The following HPSE2 variants were observed in gnomAD, a reference collection of about 807,000 sequenced individuals.
HPSE2 encodes the protein heparanase 2 (inactive).
A neutral mutation model predicts 60.5 loss-of-function variants in HPSE2; 38 were observed. The observed-to-expected ratio is 0.63, with a 90% CI of 0.48 to 0.82. The LOEUF (loss-of-function observed/expected upper bound fraction) is 0.82, where lower values mean the gene tolerates loss of function less well. Ranked by LOEUF, HPSE2 falls within the 40% of genes least tolerant of loss-of-function variation. The pLI is 0.00. For missense variants in HPSE2, 713 were observed against 740.4 expected (o/e 0.96, Z 0.43); for synonymous variants, 295 against 293.2 (o/e 1.01, Z -0.06).
the HPSE2 span, among the ~76,000 whole-genome samples, chr10:99,251,728 G>A: frequency 6.6e-6 from 1 of 151,800 alleles, no homozygotes; most frequent in Admixed American, 6.6e-5. Context: ...CACACAAGCA[G>A]AATTAAAAAC....
intron 3 of HPSE2, among the ~76,000 whole-genome samples, chr10:98,802,891 G>A (rs1317955090): frequency 2.4e-4 from 34 of 139,912 alleles, no homozygotes; most frequent in Middle Eastern, 3.4e-3. Flanking sequence ...CTGAGGAATC[G>A]CCACACTGAC....
At chr10:99,041,275 A>G (rs1014802906) in intron 3 of HPSE2, among the ~76,000 whole-genome samples, 5 of 152,002 alleles carry the variant, frequency 3.3e-5, no homozygotes, top group Admixed American at 6.6e-5. Context: ...AGGAGGCCAC[A>G]TTGAGATTCA....
At chr10:99,233,237 G>A (rs1026096750) in intron 1 of HPSE2, among the ~76,000 whole-genome samples, 2 of 151,940 alleles carry the variant, frequency 1.3e-5, no homozygotes, top group African/African-American at 4.8e-5. Context: ...ACACAGTAAA[G>A]GCAAAGTCTC....
At chr10:99,258,105 C>A in the HPSE2 span, among the ~76,000 whole-genome samples, 1 of 151,588 alleles carries the variant, frequency 6.6e-6, no homozygotes, top group African/African-American at 2.4e-5. Flanking sequence ...CATGCCACTG[C>A]ACTCCAGCCT....
intron 8 of HPSE2, among the ~76,000 whole-genome samples, chr10:98,620,059 G>A (rs939653301): frequency 6.6e-6 from 1 of 152,160 alleles, no homozygotes; most frequent in African/African-American, 2.4e-5. Flanking sequence ...TCACTAAATT[G>A]TTATAAAAGC....
At chr10:99,079,392 A>G (rs568112678) in intron 3 of HPSE2, among the ~76,000 whole-genome samples, 19 of 152,170 alleles carry the variant, frequency 1.2e-4, no homozygotes, top group Non-Finnish European at 1.6e-4. Context: ...AGAGTATGCC[A>G]GGTCCCATCA....
intron 9 of HPSE2, among the ~76,000 whole-genome samples, chr10:98,590,433 G>A (rs1052314151): frequency 1.3e-5 from 2 of 152,160 alleles, no homozygotes; most frequent in African/African-American, 4.8e-5. Flanking sequence ...GGAATCTCTG[G>A]TTATGCTTCT....
intron 3 of HPSE2, among the ~76,000 whole-genome samples, chr10:99,127,652 A>T (rs1845214343): frequency 6.6e-6 from 1 of 152,228 alleles, no homozygotes; most frequent in South Asian, 2.1e-4. Context: ...AGAACATCTG[A>T]GGAATTCATT....
rs1955376974 is a variant in HPSE2, at chr10:98,952,196, TG to T, written c.610+192041del. 2.0e-5 allele frequency among the ~76,000 whole-genome samples: 3 copies of T among 152,146 alleles called. No individual in the cohort carries two copies. In the South Asian group the frequency reaches 6.2e-4, roughly 31 times the overall value. ...CCAGAGGTAAACTCCTTTTCACAAG[TG>T]AGGTGCTAAGCAGGTCACCTGTTTT... On this transcript the variant is annotated intron_variant, in intron 3 of 11. Coordinates refer to ENST00000370552, the MANE Select transcript of HPSE2 (RefSeq NM_021828.5).
intron 3 of HPSE2, among the ~76,000 whole-genome samples, chr10:98,956,324 G>A (rs1338129706): frequency 6.6e-6 from 1 of 152,010 alleles, no homozygotes; most frequent in Non-Finnish European, 1.5e-5. Flanking sequence ...AGAGAATAAT[G>A]GTATGATAGA....
intron 3 of HPSE2, among the ~76,000 whole-genome samples, chr10:98,900,233 A>T (rs1247132419): frequency 6.6e-6 from 1 of 152,218 alleles, no homozygotes; most frequent in African/African-American, 2.4e-5. Context: ...TAGCCATACA[A>T]TGGAACACCA....
rs1204523041 is a variant in HPSE2 at position 98,745,201 on chromosome 10, CAAAT to C, written c.611-1149_611-1146del. Among the ~76,000 whole-genome samples the C allele has an allele frequency of 2.6e-5, 4 of 152,028 alleles. 1 individual carries two copies. Among genetic ancestry groups the C allele is most frequent in the Non-Finnish European group, 5.9e-5 (4 of 68,014 alleles). On this transcript the variant is annotated intron_variant, in intron 3 of 11. Transcript: ENST00000370552. ...TGGGTGACAGAGTGAGGCTCCGTCTCAAATAAATAAATAAAATAAAAAAAAGAAA... is the reference window on the plus strand; with the variant it reads ...TGGGTGACAGAGTGAGGCTCCGTCTCAAATAAATAAAATAAAAAAAAGAAA...
At chr10:99,006,003 T>C (rs1311844974) in intron 3 of HPSE2, among the ~76,000 whole-genome samples, 2 of 152,076 alleles carry the variant, frequency 1.3e-5, no homozygotes, top group Non-Finnish European at 2.9e-5. Flanking sequence ...AGTGGACCTG[T>C]TGATTGGTTC....
intron 5 of HPSE2, among the ~76,000 whole-genome samples, chr10:98,705,436 A>G (rs1565096254): frequency 6.6e-6 from 1 of 152,222 alleles, no homozygotes; most frequent in East Asian, 1.9e-4. Flanking sequence ...AAATAATTCT[A>G]CTATGAAGAC....
At chr10:98,629,246 T>C (rs1041268553) in intron 7 of HPSE2, among the ~76,000 whole-genome samples, 6 of 152,230 alleles carry the variant, frequency 3.9e-5, no homozygotes, top group African/African-American at 4.8e-5. Flanking sequence ...CCATTAATTC[T>C]AGCATCTCAT....
intron 2 of HPSE2, among the ~76,000 whole-genome samples, chr10:99,156,877 T>C (rs1846589163): frequency 1.1e-5 from 1 of 90,642 alleles, no homozygotes; most frequent in Non-Finnish European, 3.0e-5. Context: ...GAAATCTCCT[T>C]AAGCTGATAA....
intron 3 of HPSE2, among the ~76,000 whole-genome samples, chr10:99,100,211 T>C (rs1311978291): frequency 2.0e-5 from 3 of 152,170 alleles, no homozygotes. Context: ...AGAAGGAAGT[T>C]CGAATCCATC....
In HPSE2 at chr10:99,040,882, C is replaced by T. The variant is rs1377995598; in HGVS notation, c.610+103356G>A. Among the ~76,000 whole-genome samples the T allele has an allele frequency of 2.0e-5, 3 of 152,036 alleles. No individual in the cohort carries two copies. In the South Asian group the frequency reaches 6.2e-4, roughly 32 times the overall value. On this transcript the variant is annotated intron_variant, in intron 3 of 11. Transcript: ENST00000370552. ...CGAGCGGATCACAAGATCAGGAGAT[C>T]GAGACCATCCTGGCTAACACAGTGA...
chr10:98,487,797 C>T (rs1456568938), intron 10 of HPSE2, among the ~76,000 whole-genome samples: 3 of 152,230 alleles, frequency 2.0e-5, no homozygotes, highest in African/African-American at 7.2e-5. Context: ...CTATTGGCCA[C>T]AGATAAATGA....
Sources: gnomAD v4.1 joint callset for allele counts (sites outside exome capture counted in the v4.1 genomes callset) on GRCh38, gnomAD v4.1.1 for gene constraint, MANE v1.5 for transcripts, NCBI Gene and HGNC (gene_info 2026-07-23, HGNC 2026-07-21) for gene names.